Variants in OPCML observed in about 807,000 individuals in gnomAD.
OPCML encodes opioid binding protein/cell adhesion molecule like, also known as opioid-binding protein/cell adhesion molecule.
A neutral mutation model predicts 37.8 loss-of-function variants in OPCML; 13 were observed. The observed-to-expected ratio is 0.34, with a 90% confidence interval of 0.22 to 0.55. The LOEUF (loss-of-function observed/expected upper bound fraction) is 0.55, where lower values mean the gene tolerates loss of function less well. Ranked by LOEUF, OPCML falls within the 20% of genes least tolerant of loss-of-function variation. OPCML has a pLI of 0.91. For missense variants in OPCML, 341 were observed against 435.6 expected (o/e 0.78, Z 1.93); for synonymous variants, 176 against 168.8 (o/e 1.04, Z -0.33).
intron 2 of OPCML, among the ~76,000 whole-genome samples, chr11:132,831,383 A>G (rs1016817223): frequency 2.6e-5 from 4 of 152,196 alleles, no homozygotes; most frequent in African/African-American, 4.8e-5. Context: ...ATCTACATTC[A>G]TAAGCCCACA....
intron 2 of OPCML, among the ~76,000 whole-genome samples, chr11:132,759,089 T>C (rs1946168943): frequency 6.6e-6 from 1 of 152,216 alleles, no homozygotes; most frequent in African/African-American, 2.4e-5. Context: ...TCTGTTTATG[T>C]GATGGGTTAC....
At chr11:133,511,862 A>G (rs1427154807) in intron 1 of OPCML, among the ~76,000 whole-genome samples, 1 of 152,160 alleles carries the variant, frequency 6.6e-6, no homozygotes, top group African/African-American at 2.4e-5. Context: ...TTGCACCCCA[A>G]AGTCCTAGAA....
intron 2 of OPCML, among the ~76,000 whole-genome samples, chr11:132,739,778 G>A (rs1373976427): frequency 6.6e-6 from 1 of 152,146 alleles, no homozygotes; most frequent in Non-Finnish European, 1.5e-5. Flanking sequence ...AGAGCCCAAA[G>A]CTAGCTTATC....
At chr11:132,615,363 G>A (rs1938939994) in intron 3 of OPCML, among the ~76,000 whole-genome samples, 1 of 152,148 alleles carries the variant, frequency 6.6e-6, no homozygotes, top group Admixed American at 6.5e-5. Context: ...TTGTCTCTAA[G>A]CCTTGGTTTT....
In OPCML at chr11:133,220,673, T is replaced by C. The variant is rs185471156; in HGVS notation, c.62-277663A>G. Among the ~76,000 whole-genome samples the C allele has an allele frequency of 7.2e-5, 11 of 152,310 alleles. No homozygotes were observed. The East Asian group carries it at 2.1e-3, about 29-fold the overall frequency. On this transcript the variant is annotated intron_variant, in intron 1 of 7. Transcript: ENST00000524381. Reference sequence around the variant, plus strand: ...ACTTCAGGTCTTAAAATCACAGGTATGTATACTGCCTCTACCACCACTAAA... The same window carrying C: ...ACTTCAGGTCTTAAAATCACAGGTACGTATACTGCCTCTACCACCACTAAA...
At chr11:133,427,720 T>A (rs1460568136) in intron 1 of OPCML, among the ~76,000 whole-genome samples, 3 of 152,140 alleles carry the variant, frequency 2.0e-5, no homozygotes, top group Non-Finnish European at 4.4e-5. Flanking sequence ...CTATCAAGTT[T>A]TTTTTAAAGT....
chr11:133,159,801 A>C (rs1950117302), intron 1 of OPCML, among the ~76,000 whole-genome samples: 2 of 152,128 alleles, frequency 1.3e-5, no homozygotes, highest in Admixed American at 1.3e-4. Context: ...GCCCACCCTG[A>C]CCTATTCCAG....
intron 2 of OPCML, among the ~76,000 whole-genome samples, chr11:132,873,388 A>C (rs897772912): frequency 6.6e-6 from 1 of 152,186 alleles, no homozygotes; most frequent in Non-Finnish European, 1.5e-5. Flanking sequence ...TCACAAGGCC[A>C]AGAGCCCCCC....
chr11:133,461,296 C>T lies in OPCML; in HGVS notation c.61+70968G>A, dbSNP rs550905489. On this transcript the variant is annotated intron_variant, in intron 1 of 7. Transcript: ENST00000524381. Reference sequence around the variant, plus strand: ...AAGAAGTAAAATTATCTTTGGTTGTCGATGACACCATCTTATAGGTAAAAA... The same window carrying T: ...AAGAAGTAAAATTATCTTTGGTTGTTGATGACACCATCTTATAGGTAAAAA... 4.6e-5 allele frequency among the ~76,000 whole-genome samples: 7 copies of T among 151,918 alleles called. No individual in the cohort carries two copies. The South Asian group carries it at 1.5e-3, about 31-fold the overall frequency.
At chr11:133,250,245 C>T (rs1459722369) in intron 1 of OPCML, among the ~76,000 whole-genome samples, 1 of 152,110 alleles carries the variant, frequency 6.6e-6, no homozygotes, top group Non-Finnish European at 1.5e-5. Context: ...TGTTATAATC[C>T]AATTAGAAAT....
At chr11:133,512,782 A>G (rs1182058963) in intron 1 of OPCML, among the ~76,000 whole-genome samples, 1 of 152,214 alleles carries the variant, frequency 6.6e-6, no homozygotes, top group African/African-American at 2.4e-5. Context: ...GGAAGGTCTT[A>G]GGAGTTCCAT....
intron 1 of OPCML, among the ~76,000 whole-genome samples, chr11:133,226,801 C>T (rs1288534648): frequency 6.6e-6 from 1 of 152,100 alleles, no homozygotes; most frequent in African/African-American, 2.4e-5. Flanking sequence ...GCTGGATAAA[C>T]AGTCAACATA....
intron 4 of OPCML, among the ~76,000 whole-genome samples, chr11:132,474,028 C>T (rs911742346): frequency 6.6e-6 from 1 of 152,050 alleles, no homozygotes; most frequent in African/African-American, 2.4e-5. Context: ...CCCTGGAACA[C>T]GTAGCAGGAA....
rs188063568 is a variant in OPCML at position 133,370,769 on chromosome 11, T to C, written c.61+161495A>G. Among the ~76,000 whole-genome samples, 104 of 152,226 alleles carry C rather than the reference T, an allele frequency of 6.8e-4. 1 individual carries two copies. Among genetic ancestry groups the C allele is most frequent in the Non-Finnish European group, 8.7e-4 (59 of 68,000 alleles). ...TTCAGAACATTGGCCTAGGTAAAGA[T>C]TTTGAGACTAAAACCTCAAATCACA... is the stretch of plus-strand genomic sequence containing the variant. On this transcript the variant is annotated intron_variant, in intron 1 of 7. Transcript: ENST00000524381.
intron 3 of OPCML, among the ~76,000 whole-genome samples, chr11:132,606,925 G>A (rs1938340102): frequency 6.6e-6 from 1 of 152,174 alleles, no homozygotes; most frequent in Non-Finnish European, 1.5e-5. Flanking sequence ...TGGAGAGACA[G>A]TATGTAGAAA....
chr11:133,287,959 C>T lies in OPCML; in HGVS notation c.61+244305G>A, dbSNP rs563872810. On this transcript the variant is annotated intron_variant, in intron 1 of 7. Transcript: ENST00000524381. Reference sequence around the variant, plus strand: ...ACGGCAGTCTTCTTGAAGACAGGCTCACAGCTGGCCATCTTTCTGTCCTGG... The same window carrying T: ...ACGGCAGTCTTCTTGAAGACAGGCTTACAGCTGGCCATCTTTCTGTCCTGG... Among the ~76,000 whole-genome samples the T allele has an allele frequency of 5.3e-5, 8 of 152,318 alleles. No homozygotes were observed. The South Asian group carries it at 1.0e-3, about 20-fold the overall frequency.
chr11:132,474,567 A>G (rs1382746529), intron 4 of OPCML, among the ~76,000 whole-genome samples: 1 of 152,148 alleles, frequency 6.6e-6, no homozygotes, highest in African/African-American at 2.4e-5. Context: ...ATGTGTTCTC[A>G]GAATCTCAGG....
chr11:133,091,778 T>TCTCACAGGAG (rs1948910339), intron 1 of OPCML, among the ~76,000 whole-genome samples: 1 of 152,216 alleles, frequency 6.6e-6, no homozygotes, highest in Non-Finnish European at 1.5e-5. Context: ...GGATGACTTG[T>TCTCACAGGAG]ACCTTGAGTC....
intron 1 of OPCML, among the ~76,000 whole-genome samples, chr11:133,525,024 G>A (rs1207345160): frequency 6.6e-6 from 1 of 152,218 alleles, no homozygotes; most frequent in Non-Finnish European, 1.5e-5. Flanking sequence ...GCTAGGCACT[G>A]AGAACATATT....
Sources: gnomAD v4.1 joint callset for allele counts (sites outside exome capture counted in the v4.1 genomes callset) on GRCh38, gnomAD v4.1.1 for gene constraint, MANE v1.5 for transcripts, NCBI Gene and HGNC (gene_info 2026-07-23, HGNC 2026-07-21) for gene names.